SEMA6A: variants seen among roughly 807,000 people sequenced by gnomAD.
The protein encoded by SEMA6A is semaphorin-6A.
In SEMA6A, 25 loss-of-function variants were observed where a neutral mutation model predicts 96.8. That is an observed-to-expected ratio of 0.26 (90% confidence interval 0.19 to 0.36). SEMA6A has a LOEUF of 0.36. SEMA6A is among the 10% of genes least tolerant of loss of function. The pLI is 1.00. For synonymous variants in SEMA6A, 612 were observed against 518.0 expected (o/e 1.18, Z -2.46); for missense variants, 1,363 against 1,323.1 (o/e 1.03, Z -0.47).
At chr5:116,478,780 T>A (rs1373917445) in intron 12 of SEMA6A, 62 bp from the exon 13 acceptor site, 4 of 1,523,542 alleles carry the variant, frequency 2.6e-6, no homozygotes, top group Non-Finnish European at 3.6e-6. Context: ...TGTTCCCTGT[T>A]CCACTTCAAA....
Position 116,490,317 on chromosome 5 carries a change from A to G in SEMA6A, c.536-1310T>C, listed in dbSNP as rs551119521. ...ATAAAGACATTCTTTATATAAGACT[A>G]TAGAATATGTATTCTATATTCCTAT... On this transcript the variant is annotated intron_variant, in intron 7 of 18. Transcript: ENST00000343348. Among the ~76,000 whole-genome samples, 103 of 152,332 alleles carry G rather than the reference A, an allele frequency of 6.8e-4. 2 individuals are homozygous for G. The highest frequency in any genetic ancestry group is 2.3e-3 in the African/African-American group (94 of 41,578).
chr5:116,551,430 A>T (rs564383291), intron 1 of SEMA6A, among the ~76,000 whole-genome samples: 3 of 152,270 alleles, frequency 2.0e-5, no homozygotes, highest in Non-Finnish European at 2.9e-5. Flanking sequence ...ATATAAAAAT[A>T]GGAAACACTT....
At chr5:116,536,679 G>C (rs945628829) in intron 1 of SEMA6A, among the ~76,000 whole-genome samples, 1 of 152,036 alleles carries the variant, frequency 6.6e-6, no homozygotes, top group African/African-American at 2.4e-5. Flanking sequence ...AAAGGCCCCC[G>C]ATCTTCCACA....
At chr5:116,550,550 T>G (rs754720348) in intron 1 of SEMA6A, 3 of 152,182 alleles carry the variant, frequency 2.0e-5, no homozygotes, top group Non-Finnish European at 4.4e-5. Context: ...TGATCTAATC[T>G]TCTTTAAGTA....
chr5:116,467,481 G>T, intron 18 of SEMA6A, 102 bp downstream of exon 18: 3 of 1,168,966 alleles, frequency 2.6e-6, no homozygotes, highest in South Asian at 1.7e-5. Context: ...CGCATTGGAG[G>T]TTCCTTAAAT....
chr5:116,471,070 AC>A (rs1462359318), intron 17 of SEMA6A: 1 of 152,222 alleles, frequency 6.6e-6, no homozygotes, highest in Non-Finnish European at 1.5e-5. Flanking sequence ...TTTTGTAAGT[AC>A]TGTCTGAACC....
chr5:116,476,663 T>C (rs1158973634), intron 15 of SEMA6A, among the ~76,000 whole-genome samples: 1 of 152,210 alleles, frequency 6.6e-6, no homozygotes, highest in African/African-American at 2.4e-5. Context: ...ACAATAATTT[T>C]TTAAAATTCA....
intron 1 of SEMA6A, among the ~76,000 whole-genome samples, chr5:116,567,538 G>A (rs1443508850): frequency 6.6e-6 from 1 of 152,188 alleles, no homozygotes; most frequent in African/African-American, 2.4e-5. Context: ...TTTTACAGAT[G>A]TTAGCACATT....
intron 7 of SEMA6A, among the ~76,000 whole-genome samples, chr5:116,491,223 G>A (rs377027028): frequency 6.6e-6 from 1 of 152,078 alleles, no homozygotes; most frequent in African/African-American, 2.4e-5. Flanking sequence ...ATGTGGACAG[G>A]AAGACATGTA....
intron 1 of SEMA6A, among the ~76,000 whole-genome samples, chr5:116,516,655 G>C (rs1021268560): frequency 6.6e-6 from 1 of 152,086 alleles, no homozygotes; most frequent in African/African-American, 2.4e-5. Flanking sequence ...CGATTCACTA[G>C]GTGCCTCTTC....
chr5:116,457,225 G>T (rs1377151557), intron 18 of SEMA6A, among the ~76,000 whole-genome samples: 1 of 152,156 alleles, frequency 6.6e-6, no homozygotes, highest in Non-Finnish European at 1.5e-5. Flanking sequence ...CTTAACAAAT[G>T]TCAGATGATT....
chr5:116,507,004 C>T (rs571520512), intron 1 of SEMA6A, among the ~76,000 whole-genome samples: 2 of 152,108 alleles, frequency 1.3e-5, no homozygotes, highest in Non-Finnish European at 2.9e-5. Context: ...CTTAAGATTG[C>T]ATGTGTCAAA....
Position 116,447,099 on chromosome 5 carries a change from G to T in SEMA6A, c.2607C>A (p.Asn869Lys), listed in dbSNP as rs199819147. Residue 869 changes from asparagine to lysine, a missense_variant, in exon 19 of 19, where the codon AAC becomes AAA. By Grantham distance (94) the Asn-to-Lys change is moderately conservative. Transcript: ENST00000343348. ...GCAGGCTGTCCAGGTTCTCCACAAG[G>T]TTCACCCCATGGTTGGGACTCTTGC... Reference protein sequence around the residue: ...LSSKSPNHGVNLVENLDSLPP... With the variant: ...LSSKSPNHGVKLVENLDSLPP... The T allele has an allele frequency of 3.2e-3, 5,211 of 1,613,956 alleles. 12 individuals are homozygous for T. The highest frequency in any genetic ancestry group is 3.9e-3 in the Non-Finnish European group (4,615 of 1,179,876).
At chr5:116,549,567 T>C (rs1213231903) in intron 1 of SEMA6A, among the ~76,000 whole-genome samples, 1 of 152,042 alleles carries the variant, frequency 6.6e-6, no homozygotes, top group Non-Finnish European at 1.5e-5. Flanking sequence ...CAAAACAAAA[T>C]ATAAACAGGT....
At chr5:116,498,901 A>G (rs1757740603) in intron 3 of SEMA6A, 1 of 152,172 alleles carries the variant, frequency 6.6e-6, no homozygotes, top group Admixed American at 6.5e-5. Context: ...ATTAATATGC[A>G]TTGGCAGCTC....
At chr5:116,465,840 G>A (rs964661848) in intron 18 of SEMA6A, among the ~76,000 whole-genome samples, 7 of 151,992 alleles carry the variant, frequency 4.6e-5, no homozygotes, top group African/African-American at 1.2e-4. Context: ...CAGAAAAAAC[G>A]CAGTGGGCAA....
chr5:116,477,102 C>T (rs1415954943), intron 15 of SEMA6A, among the ~76,000 whole-genome samples: 1 of 152,230 alleles, frequency 6.6e-6, no homozygotes, highest in African/African-American at 2.4e-5. Flanking sequence ...GCTGTCTAAC[C>T]TCCTAAACTG....
Position 116,477,932 on chromosome 5 carries a change from G to A in SEMA6A, c.1569-6C>T. 1 of 1,613,996 alleles carries A rather than the reference G, an allele frequency of 6.2e-7. No individual in the cohort carries two copies. The highest frequency in any genetic ancestry group is 8.5e-7 in the Non-Finnish European group (1 of 1,179,854). Reference sequence around the variant, plus strand: ...CTCTGGAGGCAATACAGGTTCTGCAGGAAGAGGATGACCATGAGCTACCTA... The same window carrying A: ...CTCTGGAGGCAATACAGGTTCTGCAAGAAGAGGATGACCATGAGCTACCTA... On this transcript the variant is annotated splice_polypyrimidine_tract_variant and splice_region_variant and intron_variant, in intron 14 of 18. Coordinates refer to ENST00000343348, the MANE Select transcript of SEMA6A (RefSeq NM_020796.5).
At position 116,467,720 on chromosome 5, in the gene SEMA6A, G is replaced by A. The variant is rs1370660769; in HGVS notation, c.1757C>T (p.Thr586Ile). Residue 586 changes from threonine (T) to isoleucine (I), a missense_variant, in exon 18 of 19, where the codon ACA becomes ATA. By Grantham distance (89) the Thr-to-Ile change is moderately conservative. Around this residue, in one of 2 missense-constraint regions of SEMA6A, gnomAD observed 883 missense variants for 763.6 expected, o/e 1.16. Transcript: ENST00000343348. ...TTGAGCCGTCGAATCTGATGTGGTT[G>A]TGCTGGGCAAGAGGGAACTGGAATG... ...NGHSSSLLPS[T>I]TTSDSTAQEG... 1 of 1,613,708 alleles carries A rather than the reference G, an allele frequency of 6.2e-7. No individual in the cohort carries two copies. Among genetic ancestry groups the A allele is most frequent in the Non-Finnish European group, 8.5e-7 (1 of 1,179,836 alleles).
Sources: gnomAD v4.1 joint callset for allele counts (sites outside exome capture counted in the v4.1 genomes callset) on GRCh38, gnomAD v4.1.1 for gene constraint, gnomAD v4.1.1 regional missense constraint, MANE v1.5 for transcripts, NCBI Gene and HGNC (gene_info 2026-07-23, HGNC 2026-07-21) for gene names.